Variants in CHRNB3 observed in about 807,000 individuals in gnomAD.
CHRNB3 encodes neuronal acetylcholine receptor subunit beta-3.
In CHRNB3, 37 loss-of-function variants were observed where a neutral mutation model predicts 40.6. The observed-to-expected ratio is 0.91, with a 90% CI of 0.70 to 1.20. CHRNB3 has a LOEUF of 1.20. Among genes scored for constraint, CHRNB3 ranks in the 50% most tolerant of loss-of-function variants. The pLI, the probability that CHRNB3 is intolerant of heterozygous loss-of-function variation, is 0.00. For synonymous variants in CHRNB3, 207 were observed against 207.1 expected (o/e 1.00, Z 0.00); for missense variants, 505 against 551.2 (o/e 0.92, Z 0.84).
chr8:42,708,877 TC>T lies in CHRNB3; in HGVS notation c.204+11del. 6.2e-7 allele frequency: 1 copy of T among 1,607,810 alleles called. No homozygotes were observed. The highest frequency in any genetic ancestry group is 1.7e-5 in the Admixed American group (1 of 59,160). Reference sequence around the variant, plus strand: ...CCCAGCTTGTAGATGTGGTGAGTAATCCTTGGCACTTGGCTAAAAAGAACAT... The same window carrying T: ...CCCAGCTTGTAGATGTGGTGAGTAATCTTGGCACTTGGCTAAAAAGAACAT... On this transcript the variant is annotated intron_variant, in intron 2 of 5. Coordinates refer to ENST00000289957, the MANE Select transcript of CHRNB3 (RefSeq NM_000749.5).
chr8:42,707,596 A>C lies in CHRNB3; in HGVS notation c.53-1121A>C, dbSNP rs140000026. 5.6e-4 allele frequency among the ~76,000 whole-genome samples: 85 copies of C among 152,242 alleles called. 1 individual carries two copies. The highest frequency in any genetic ancestry group is 1.9e-3 in the African/African-American group (79 of 41,538). On this transcript the variant is annotated intron_variant, in intron 1 of 5. Transcript: ENST00000289957. ...GCTTCCTTGTTTTAAATGTGATAGC[A>C]CGGCATTGTAAGGAAATAGAACTCT...
At position 42,710,428 on chromosome 8, in the gene CHRNB3, C is replaced by T; in HGVS notation, c.243C>T (p.Leu81=). The stretch of plus-strand genomic sequence containing the variant: ...AGCTGATGACAACCAATGTGTGGCT[C>T]AAACAGGTAAATTTCAATCCAAGGA... ...KNQLMTTNVW[L]KQEWTDHKLR... The change falls in exon 3 of 6, where the codon CTC becomes CTT. Residue 81 remains leucine (L), a synonymous_variant. Coordinates refer to ENST00000289957, the MANE Select transcript of CHRNB3 (RefSeq NM_000749.5). The T allele has an allele frequency of 4.3e-6, 7 of 1,609,944 alleles. No individual in the cohort carries two copies. The highest frequency in any genetic ancestry group is 5.9e-6 in the Non-Finnish European group (7 of 1,177,982).
At chr8:42,725,089 CTTTT>C (rs572194650) in intron 3 of CHRNB3, among the ~76,000 whole-genome samples, 2 of 136,470 alleles carry the variant, frequency 1.5e-5, no homozygotes, top group Non-Finnish European at 3.2e-5. Flanking sequence ...TTCTTTCTTT[CTTTT>C]TTTTTTTTTT....
intron 3 of CHRNB3, among the ~76,000 whole-genome samples, chr8:42,712,661 C>T (rs1371363619): frequency 6.6e-6 from 1 of 152,164 alleles, no homozygotes; most frequent in Non-Finnish European, 1.5e-5. Context: ...GACTTACCCA[C>T]TTTTGCAATT....
intron 1 of CHRNB3, among the ~76,000 whole-genome samples, chr8:42,698,205 CAG>C (rs1815710749): frequency 6.6e-6 from 1 of 151,860 alleles, no homozygotes; most frequent in African/African-American, 2.4e-5. Flanking sequence ...AAGATAGAGA[CAG>C]AGATGCAGAG....
At chr8:42,704,498 A>G (rs1233788576) in intron 1 of CHRNB3, 1 of 152,230 alleles carries the variant, frequency 6.6e-6, no homozygotes, top group Non-Finnish European at 1.5e-5. Context: ...GCAAACGCTA[A>G]GCATGTCAGG....
chr8:42,697,923 CAA>C (rs1276217959), intron 1 of CHRNB3, among the ~76,000 whole-genome samples: 1 of 152,100 alleles, frequency 6.6e-6, no homozygotes, highest in African/African-American at 2.4e-5. Flanking sequence ...GAGAATTGTT[CAA>C]ATATTTGGCA....
chr8:42,736,745 C>T lies in CHRNB3; in HGVS notation c.*127C>T. The T allele has an allele frequency of 1.8e-6, 2 of 1,125,470 alleles. No individual in the cohort carries two copies. The highest frequency in any genetic ancestry group is 2.6e-6 in the Non-Finnish European group (2 of 769,900). 69.7% of individuals were successfully genotyped at this position (1,125,470 alleles called of 1,614,324 possible). On this transcript the variant is annotated 3_prime_UTR_variant, in exon 6 of 6. Transcript: ENST00000289957. ...CGTTGTCTTTGTGGAAATGGAACAT[C>T]TCCTCATGGGAGAAACTCTGGTAAA... is the stretch of plus-strand genomic sequence containing the variant.
chr8:42,708,670 A>C, intron 1 of CHRNB3, 47 bp from the exon 2 acceptor site: 1 of 1,596,758 alleles, frequency 6.3e-7, no homozygotes, highest in Non-Finnish European at 8.5e-7. Flanking sequence ...TCATCCAGGC[A>C]TCGTGCCCCT....
At chr8:42,722,361 T>C (rs1816232897) in intron 3 of CHRNB3, among the ~76,000 whole-genome samples, 1 of 150,994 alleles carries the variant, frequency 6.6e-6, no homozygotes, top group Non-Finnish European at 1.5e-5. Flanking sequence ...TGAGACTCCA[T>C]TAAAAAGAAA....
intron 3 of CHRNB3, among the ~76,000 whole-genome samples, chr8:42,727,734 G>A (rs1009166015): frequency 6.6e-6 from 1 of 152,198 alleles, no homozygotes; most frequent in Admixed American, 6.5e-5. Flanking sequence ...ATGGTGGTGT[G>A]CACCTGTAGT....
chr8:42,700,083 T>G (rs1017070382), intron 1 of CHRNB3, among the ~76,000 whole-genome samples: 3 of 150,660 alleles, frequency 2.0e-5, no homozygotes, highest in South Asian at 2.1e-4. Context: ...GCGCGATCTC[T>G]GCTCACTGCA....
intron 3 of CHRNB3, among the ~76,000 whole-genome samples, chr8:42,729,271 G>A (rs964409386): frequency 3.3e-5 from 5 of 151,964 alleles, no homozygotes; most frequent in Admixed American, 1.3e-4. Flanking sequence ...TTAGCCGGGC[G>A]TGGTGGCGGG....
At chr8:42,705,929 T>C (rs1815915622) in intron 1 of CHRNB3, 1 of 152,228 alleles carries the variant, frequency 6.6e-6, no homozygotes, top group South Asian at 2.1e-4. Context: ...TGACAGTCAC[T>C]GTTCTAGGAG....
intron 5 of CHRNB3, among the ~76,000 whole-genome samples, chr8:42,735,453 ACT>A (rs1393702020): frequency 2.0e-5 from 3 of 152,008 alleles, no homozygotes; most frequent in African/African-American, 7.2e-5. Flanking sequence ...CAGGAGAACC[ACT>A]TAAACCCAGG....
intron 5 of CHRNB3, among the ~76,000 whole-genome samples, chr8:42,733,057 C>T (rs920146711): frequency 2.0e-5 from 3 of 151,702 alleles, no homozygotes; most frequent in Admixed American, 1.3e-4. Context: ...GAGCCAGGCA[C>T]AGTGGCTCAT....
At chr8:42,725,002 AC>A (rs1816281627) in intron 3 of CHRNB3, among the ~76,000 whole-genome samples, 1 of 151,698 alleles carries the variant, frequency 6.6e-6, no homozygotes, top group Non-Finnish European at 1.5e-5. Flanking sequence ...AAAAAAGAAA[AC>A]ACTGGAATTT....
chr8:42,726,000 G>A, intron 3 of CHRNB3: 1 of 1,143,592 alleles, frequency 8.7e-7, no homozygotes, highest in South Asian at 1.2e-5. Flanking sequence ...ATTCCAAGGT[G>A]TGGTTTCACT....
intron 3 of CHRNB3, chr8:42,725,973 G>A: frequency 1.8e-6 from 2 of 1,124,788 alleles, no homozygotes; most frequent in Non-Finnish European, 2.7e-6. Context: ...CAAAGGCCAA[G>A]GAATGTTTAT....
Sources: allele counts gnomAD v4.1 joint callset (sites outside exome capture counted in the v4.1 genomes callset), GRCh38; gene constraint gnomAD v4.1.1; transcripts MANE v1.5; gene names NCBI Gene and HGNC (gene_info 2026-07-23, HGNC 2026-07-21).